The following APC variants were observed in gnomAD, a reference collection of about 807,000 sequenced individuals.
APC encodes APC regulator of Wnt signaling pathway, also known as adenomatous polyposis coli protein.
Under a neutral mutation model 247.0 loss-of-function variants are expected in APC, and 72 were observed. The ratio of observed to expected loss-of-function variants is 0.29; its 90% CI spans 0.24 to 0.35. APC has a LOEUF of 0.35. Among genes scored for constraint, APC ranks in the 10% least tolerant of loss-of-function variants. The pLI, the probability that APC is intolerant of heterozygous loss-of-function variation, is 1.00. For missense variants in APC, 3,400 were observed against 3,360.7 expected (o/e 1.01, Z -0.29); for synonymous variants, 1,254 against 1,162.5 (o/e 1.08, Z -1.60).
At chr5:112,806,909 G>T (rs1580476386) in intron 8 of APC, among the ~76,000 whole-genome samples, 1 of 152,092 alleles carries the variant, frequency 6.6e-6, no homozygotes, top group African/African-American at 2.4e-5. Context: ...GAGATGAGTG[G>T]ATCACTTGAG....
Position 112,843,472 on chromosome 5 carries a change from T to C in APC, c.7878T>C (p.Thr2626=), listed in dbSNP as rs757020188. Residue 2626 remains threonine, a synonymous_variant, in exon 16 of 16, where the codon ACT becomes ACC. Transcript: ENST00000257430. This position sits in a 1 kb window ranked among gnomAD's most constrained non-coding sequence, Gnocchi z 4.8. The part of the protein sequence containing the change: ...KENEFSPTNS[T]SQTVSSGATN... The stretch of plus-strand genomic sequence containing the variant: ...ATGAATTTTCTCCCACAAATAGTAC[T>C]TCTCAGACCGTTTCCTCAGGTGCTA... 6.2e-7 allele frequency: 1 copy of C among 1,613,970 alleles called. No individual in the cohort carries two copies. The highest frequency in any genetic ancestry group is 8.5e-7 in the Non-Finnish European group (1 of 1,179,842).
chr5:112,737,714 C>A (rs1007004214), upstream of APC: 3 of 480,152 alleles, frequency 6.2e-6, no homozygotes, highest in South Asian at 8.7e-5. Context: ...TTGGGCGGGG[C>A]CCTGTGCCCC....
chr5:112,761,103 C>G (rs533664618), intron 2 of APC, among the ~76,000 whole-genome samples: 2 of 152,284 alleles, frequency 1.3e-5, no homozygotes, highest in South Asian at 4.2e-4. Flanking sequence ...GCCACCACCC[C>G]CAGCGGGTCC....
intron 8 of APC, among the ~76,000 whole-genome samples, chr5:112,807,058 A>G (rs1304852948): frequency 6.6e-6 from 1 of 151,214 alleles, no homozygotes; most frequent in Non-Finnish European, 1.5e-5. Flanking sequence ...TCTTGAACCT[A>G]GGAGGCTGAG....
intron 6 of APC, chr5:112,783,780 AAAAAG>A: frequency 1.5e-5 from 6 of 394,288 alleles, no homozygotes; most frequent in South Asian, 5.6e-5. Flanking sequence ...AAAAAAAAAA[AAAAAG>A]AGAAAGAAAG....
At chr5:112,802,344 A>G (rs1397751095) in intron 8 of APC, among the ~76,000 whole-genome samples, 2 of 152,160 alleles carry the variant, frequency 1.3e-5, no homozygotes, top group Non-Finnish European at 2.9e-5. Context: ...GTGGTAAATT[A>G]GGACAAAGGC....
At chr5:112,812,335 G>GA (rs1762068433) in intron 8 of APC, among the ~76,000 whole-genome samples, 1 of 152,086 alleles carries the variant, frequency 6.6e-6, no homozygotes, top group Non-Finnish European at 1.5e-5. Context: ...TATAGACCAA[G>GA]AAAAAGGTTC....
chr5:112,742,985 T>G (rs1753217863), intron 1 of APC, among the ~76,000 whole-genome samples: 2 of 152,220 alleles, frequency 1.3e-5, no homozygotes, highest in Non-Finnish European at 2.9e-5. Flanking sequence ...AACACAAATG[T>G]ATTATCTTGC....
chr5:112,711,740 A>G (rs1473236965), intron 1 of APC, among the ~76,000 whole-genome samples: 1 of 152,132 alleles, frequency 6.6e-6, no homozygotes, highest in African/African-American at 2.4e-5. Flanking sequence ...AAAAAACCCA[A>G]AGAGATGTTT....
rs1580668303 is a variant in APC, at chr5:112,841,752, C to T, written c.6158C>T (p.Pro2053Leu). The change falls in exon 16 of 16, where the codon CCT becomes CTT. Residue 2053 changes from proline to leucine, a missense_variant. This residue lies in a region of APC where 1,788 missense variants were observed against 1,649.5 expected (regional missense o/e 1.08). Coordinates refer to ENST00000257430, the MANE Select transcript of APC (RefSeq NM_000038.6). The surrounding 1 kb of genome is among the most constrained non-coding windows in gnomAD (Gnocchi z 4.6). ...ISSAMPKKKK[P>L]SRLKGDNEKH... ...TCCGCAATGCCAAAAAAGAAAAAGCCTTCAAGACTCAAGGGTGATAATGAA... is the reference window on the plus strand; with the variant it reads ...TCCGCAATGCCAAAAAAGAAAAAGCTTTCAAGACTCAAGGGTGATAATGAA... 1 of 1,614,016 alleles carries T rather than the reference C, an allele frequency of 6.2e-7. No individual in the cohort carries two copies. Among genetic ancestry groups the T allele is most frequent in the African/African-American group, 1.3e-5 (1 of 75,046 alleles).
At chr5:112,758,224 G>T (rs1755206615) in intron 2 of APC, among the ~76,000 whole-genome samples, 1 of 152,210 alleles carries the variant, frequency 6.6e-6, no homozygotes, top group African/African-American at 2.4e-5. Flanking sequence ...TCAGATAAAT[G>T]CAGAATTATA....
intron 1 of APC, among the ~76,000 whole-genome samples, chr5:112,720,871 TG>T (rs751133678): frequency 6.6e-6 from 1 of 152,108 alleles, no homozygotes; most frequent in Non-Finnish European, 1.5e-5. Context: ...AAAAGTGGAA[TG>T]GAATTGTTCA....
chr5:112,825,383 A>C (rs939663534), intron 11 of APC, among the ~76,000 whole-genome samples: 8 of 152,220 alleles, frequency 5.3e-5, no homozygotes, highest in African/African-American at 1.9e-4. Flanking sequence ...TTTTCTGCGT[A>C]AAATCTTTAA....
At chr5:112,837,448 A>T (rs1765055245) in intron 15 of APC, 105 bp from the exon 16 acceptor site, 1 of 786,620 alleles carries the variant, frequency 1.3e-6, no homozygotes, top group Non-Finnish European at 2.1e-6. Flanking sequence ...AATTTATAGG[A>T]TAATTGGTAC....
intron 1 of APC, among the ~76,000 whole-genome samples, chr5:112,728,640 GT>G (rs56038117): frequency 0.54 from 80,383 of 149,542 alleles, 21,876 homozygotes; most frequent in East Asian, 0.79. Flanking sequence ...AGGTGATTGT[GT>G]TTTTTTTTTG....
intron 2 of APC, among the ~76,000 whole-genome samples, chr5:112,760,491 A>G (rs557469826): frequency 6.6e-6 from 1 of 152,354 alleles, no homozygotes; most frequent in East Asian, 1.9e-4. Context: ...TACAACCTCC[A>G]AGAGAAACAA....
At chr5:112,722,772 G>C (rs1016829594) in intron 1 of APC, among the ~76,000 whole-genome samples, 6 of 152,114 alleles carry the variant, frequency 3.9e-5, no homozygotes, top group African/African-American at 1.4e-4. Context: ...GCAGGGGCGC[G>C]GAGCTTCCAT....
At position 112,836,175 on chromosome 5, in the gene APC, C is replaced by G. The variant is rs1048502528; in HGVS notation, c.1958+1010C>G. Among the ~76,000 whole-genome samples, 25 of 78,606 alleles carry G rather than the reference C, an allele frequency of 3.2e-4. 5 individuals are homozygous for G. The highest frequency in any genetic ancestry group is 4.6e-4 in the Admixed American group (4 of 8,708). The allele number at this position is 78,606 out of a possible 152,430, so 51.6% of individuals were successfully genotyped here. A position where few individuals can be genotyped will look rare whatever the true frequency, so the allele number is the denominator to read the frequency against. On this transcript the variant is annotated intron_variant, in intron 15 of 15. Coordinates refer to ENST00000257430, the MANE Select transcript of APC (RefSeq NM_000038.6). The stretch of plus-strand genomic sequence containing the variant: ...AGCTGGGATTACAGGTCCCCCCCCC[C>G]CCCCGCCACCGTGCCCGGCTAATTT...
chr5:112,720,005 C>A (rs1038734348), intron 1 of APC, among the ~76,000 whole-genome samples: 4 of 152,114 alleles, frequency 2.6e-5, no homozygotes, highest in African/African-American at 9.7e-5. Context: ...CGTTTGAATT[C>A]TGAGATTAAA....
Sources: allele counts gnomAD v4.1 joint callset (sites outside exome capture counted in the v4.1 genomes callset), GRCh38; gene constraint gnomAD v4.1.1; regional missense constraint gnomAD v4.1.1; non-coding constraint Gnocchi (gnomAD v3.1); transcripts MANE v1.5; gene names NCBI Gene and HGNC (gene_info 2026-07-23, HGNC 2026-07-21).